The following RBFOX1 variants were observed in gnomAD, a reference collection of about 807,000 sequenced individuals.
RBFOX1 encodes the protein RNA binding protein fox-1 homolog 1.
RBFOX1 carries 8 observed loss-of-function variants against 57.7 expected under a neutral mutation model. The observed-to-expected ratio is 0.14, with a 90% CI of 0.08 to 0.25. RBFOX1 has a LOEUF of 0.25. RBFOX1 is among the 10% of genes least tolerant of loss of function. The probability of loss-of-function intolerance (pLI) is 1.00; values close to 1 mark genes in which losing one functional copy is unlikely to be tolerated. For synonymous variants in RBFOX1, 326 were observed against 222.4 expected (o/e 1.47, Z -4.15); for missense variants, 611 against 548.5 (o/e 1.11, Z -1.14).
intron 2 of RBFOX1, among the ~76,000 whole-genome samples, chr16:6,397,737 G>A (rs1037512880): frequency 6.6e-6 from 1 of 152,176 alleles, no homozygotes; most frequent in Non-Finnish European, 1.5e-5. Flanking sequence ...CAAATGATGA[G>A]AATGTGAAGC....
intron 13 of RBFOX1, among the ~76,000 whole-genome samples, chr16:7,666,810 C>T (rs1190153765): frequency 1.3e-5 from 2 of 152,138 alleles, no homozygotes; most frequent in Non-Finnish European, 2.9e-5. Flanking sequence ...AGAAGTGTCC[C>T]TTTGTGCTTT....
At chr16:7,580,583 C>A (rs1224660362) in intron 6 of RBFOX1, among the ~76,000 whole-genome samples, 1 of 152,186 alleles carries the variant, frequency 6.6e-6, no homozygotes, top group Non-Finnish European at 1.5e-5. Flanking sequence ...CTTGCCCAGG[C>A]ACCATGGTGA....
At chr16:5,485,366 A>AAAAAAAAAAAAAAC (rs2069695563) in intron 2 of RBFOX1, among the ~76,000 whole-genome samples, 1 of 149,992 alleles carries the variant, frequency 6.7e-6, no homozygotes, top group African/African-American at 2.5e-5. Flanking sequence ...AAAAAAAAAA[A>AAAAAAAAAAAAAAC]AAGTGAATAA....
chr16:5,964,512 G>T (rs2059807267), intron 4 of RBFOX1, among the ~76,000 whole-genome samples: 1 of 152,008 alleles, frequency 6.6e-6, no homozygotes. Context: ...TGGATGAATG[G>T]ATATGGAAAA....
chr16:6,927,303 C>G (rs980069721), intron 3 of RBFOX1, among the ~76,000 whole-genome samples: 9 of 149,060 alleles, frequency 6.0e-5, no homozygotes, highest in Non-Finnish European at 3.0e-5. Context: ...GTATCAGCTA[C>G]TTGGGAGGTT....
chr16:5,429,249 G>T (rs985824656), intron 1 of RBFOX1, among the ~76,000 whole-genome samples: 1 of 152,186 alleles, frequency 6.6e-6, no homozygotes, highest in South Asian at 2.1e-4. Flanking sequence ...TGAGCTGGAG[G>T]TGGGGCAGGT....
chr16:6,892,808 CTCTCTCTCTCTCTCTCTCTA>C lies in RBFOX1; in HGVS notation c.-15-159247_-15-159228del, dbSNP rs1271317692. Among the ~76,000 whole-genome samples, 7 of 105,024 alleles carry C rather than the reference CTCTCTCTCTCTCTCTCTCTA, an allele frequency of 6.7e-5. 1 individual carries two copies. Among genetic ancestry groups the C allele is most frequent in the Non-Finnish European group, 1.3e-4 (6 of 46,378 alleles). The allele number at this position is 105,024 out of a possible 152,430, so 68.9% of individuals were successfully genotyped here. A position where few individuals can be genotyped will look rare whatever the true frequency, so the allele number is the denominator to read the frequency against. On this transcript the variant is annotated intron_variant, in intron 3 of 15. Coordinates refer to ENST00000550418, the MANE Select transcript of RBFOX1 (RefSeq NM_018723.4). ...TCTCTCTCTCTCTCTCTCTCTCTCTCTCTCTCTCTCTCTCTCTCTATTCTGCTTCAGGGTGTTCTGTGCCC... is the reference window on the plus strand; with the variant it reads ...TCTCTCTCTCTCTCTCTCTCTCTCTCTTCTGCTTCAGGGTGTTCTGTGCCC...
At chr16:6,879,808 A>G (rs1411543548) in intron 3 of RBFOX1, among the ~76,000 whole-genome samples, 2 of 152,110 alleles carry the variant, frequency 1.3e-5, no homozygotes, top group Non-Finnish European at 1.5e-5. Flanking sequence ...AGCATTTTTG[A>G]TGTTCTATTT....
intron 4 of RBFOX1, among the ~76,000 whole-genome samples, chr16:7,371,497 C>A (rs567104363): frequency 6.6e-6 from 1 of 152,170 alleles, no homozygotes; most frequent in African/African-American, 2.4e-5. Flanking sequence ...CGCCTGTAAT[C>A]CCAGAACTCT....
chr16:6,809,116 A>C (rs1369391394), intron 3 of RBFOX1, among the ~76,000 whole-genome samples: 1 of 152,148 alleles, frequency 6.6e-6, no homozygotes, highest in African/African-American at 2.4e-5. Context: ...GCAAACACCA[A>C]CCTGTCACCA....
chr16:6,973,978 C>T (rs1219556660), intron 3 of RBFOX1, among the ~76,000 whole-genome samples: 2 of 152,112 alleles, frequency 1.3e-5, no homozygotes, highest in African/African-American at 4.8e-5. Context: ...CTCCCTGTGT[C>T]CATGTGTTCT....
In RBFOX1 at chr16:5,405,171, C is replaced by T. The variant is rs891519218; in HGVS notation, c.220-62045C>T. The stretch of plus-strand genomic sequence containing the variant: ...GGCTCCTCACTGCTGTGTGGTGTGC[C>T]CAGGGTGGGCCAGGTGGGAGGGCCA... On this transcript the variant is annotated intron_variant, in intron 1 of 2. Transcript: ENST00000585867. 6.6e-5 allele frequency among the ~76,000 whole-genome samples: 10 copies of T among 152,134 alleles called. No individual in the cohort carries two copies. In the East Asian group the frequency reaches 1.7e-3, roughly 26 times the overall value.
At chr16:7,425,658 C>T (rs951365847) in intron 4 of RBFOX1, among the ~76,000 whole-genome samples, 2 of 152,082 alleles carry the variant, frequency 1.3e-5, no homozygotes, top group Admixed American at 6.6e-5. Flanking sequence ...AATTGTTAAG[C>T]CCTGAGAATA....
At chr16:5,956,661 TATATATATATATATATA>T (rs1567189750) in intron 4 of RBFOX1, among the ~76,000 whole-genome samples, 2 of 51,074 alleles carry the variant, frequency 3.9e-5, no homozygotes, top group African/African-American at 1.5e-4. Flanking sequence ...TATATATTTA[TATATATATATATATATA>T]TTTTTTTTGA....
At chr16:6,615,568 T>TAA (rs59851539) in intron 2 of RBFOX1, among the ~76,000 whole-genome samples, 14 of 138,888 alleles carry the variant, frequency 1.0e-4, no homozygotes, top group African/African-American at 2.9e-4. Context: ...AATCTCCATC[T>TAA]AAAAAAAAAA....
chr16:5,664,877 C>T (rs1452410422), intron 3 of RBFOX1, among the ~76,000 whole-genome samples: 2 of 151,892 alleles, frequency 1.3e-5, no homozygotes, highest in Non-Finnish European at 2.9e-5. Context: ...TGTAGAAGGC[C>T]CTGCACACTT....
In RBFOX1 at chr16:7,308,659, C is replaced by G. The variant is rs1052274223; in HGVS notation, c.28-209488C>G. On this transcript the variant is annotated intron_variant, in intron 4 of 15. Coordinates refer to ENST00000550418, the MANE Select transcript of RBFOX1 (RefSeq NM_018723.4). ...TGAAGCCATTGCTCACTGTGGACAT[C>G]TTCAGATCGAAAGCAATTGAACTGA... is the stretch of plus-strand genomic sequence containing the variant. Among the ~76,000 whole-genome samples, 5 of 152,322 alleles carry G rather than the reference C, an allele frequency of 3.3e-5. No individual in the cohort carries two copies. In the South Asian group the frequency reaches 1.0e-3, roughly 32 times the overall value.
chr16:7,220,458 G>C (rs925002214), intron 4 of RBFOX1, among the ~76,000 whole-genome samples: 7 of 152,188 alleles, frequency 4.6e-5, no homozygotes, highest in African/African-American at 1.4e-4. Context: ...AAGAGACAGT[G>C]TGTTGACACC....
Position 6,019,341 on chromosome 16 carries a change from C to T in RBFOX1, c.-778C>T. The T allele has an allele frequency of 1.0e-6, 1 of 985,782 alleles. No homozygotes were observed. The highest frequency in any genetic ancestry group is 1.1e-4 in the East Asian group (1 of 8,716). 61.1% of individuals were successfully genotyped at this position (985,782 alleles called of 1,614,324 possible). A position where few individuals can be genotyped will look rare whatever the true frequency, so the allele number is the denominator to read the frequency against. On this transcript the variant is annotated 5_prime_UTR_variant, in exon 1 of 16. Coordinates refer to ENST00000550418, the MANE Select transcript of RBFOX1 (RefSeq NM_018723.4). The surrounding 1 kb of genome is among the most constrained non-coding windows in gnomAD (Gnocchi z 4.2). ...CGTGCGAGCCGCGCTGCCGCCGCCTCCTCCAGCCAGAGTCGGTGGGACTGG... is the reference window on the plus strand; with the variant it reads ...CGTGCGAGCCGCGCTGCCGCCGCCTTCTCCAGCCAGAGTCGGTGGGACTGG...
Sources: allele counts gnomAD v4.1 joint callset (sites outside exome capture counted in the v4.1 genomes callset), GRCh38; gene constraint gnomAD v4.1.1; non-coding constraint Gnocchi (gnomAD v3.1); transcripts MANE v1.5; gene names NCBI Gene and HGNC (gene_info 2026-07-23, HGNC 2026-07-21).